ASIC2: variants seen among roughly 807,000 people sequenced by gnomAD.
ASIC2 encodes acid-sensing ion channel 2.
A neutral mutation model predicts 57.3 loss-of-function variants in ASIC2; 25 were observed. The observed-to-expected ratio is 0.44, with a 90% confidence interval of 0.32 to 0.61. The LOEUF (loss-of-function observed/expected upper bound fraction) is 0.61, where lower values mean the gene tolerates loss of function less well. ASIC2 is among the 20% of genes least tolerant of loss of function. ASIC2 has a pLI of 0.06. For synonymous variants in ASIC2, 319 were observed against 307.5 expected (o/e 1.04, Z -0.39); for missense variants, 641 against 738.1 (o/e 0.87, Z 1.52).
intron 1 of ASIC2, among the ~76,000 whole-genome samples, chr17:33,570,494 T>C (rs893153908): frequency 1.3e-5 from 2 of 152,256 alleles, no homozygotes; most frequent in African/African-American, 4.8e-5. Context: ...GTCATTCTCC[T>C]GAGCCCCAGC....
chr17:33,232,462 A>AT (rs1336511543), intron 1 of ASIC2, among the ~76,000 whole-genome samples: 1 of 147,016 alleles, frequency 6.8e-6, no homozygotes, highest in Admixed American at 6.8e-5. Flanking sequence ...ATGGTATGGT[A>AT]TGGTATGGTA....
chr17:33,750,398 A>G (rs890727688), intron 1 of ASIC2, among the ~76,000 whole-genome samples: 5 of 152,206 alleles, frequency 3.3e-5, no homozygotes, highest in African/African-American at 1.2e-4. Flanking sequence ...AGATGAGCTC[A>G]TGTGCACGAT....
At chr17:33,709,182 C>T (rs573113944) in intron 1 of ASIC2, among the ~76,000 whole-genome samples, 1 of 152,204 alleles carries the variant, frequency 6.6e-6, no homozygotes, top group South Asian at 2.1e-4. Flanking sequence ...GCATCTATTT[C>T]AACTGCCTGT....
intron 1 of ASIC2, among the ~76,000 whole-genome samples, chr17:33,776,199 C>T (rs1200916197): frequency 6.6e-6 from 1 of 151,266 alleles, no homozygotes; most frequent in Non-Finnish European, 1.5e-5. Context: ...TGTTGAAATC[C>T]TAACCCTCAA....
chr17:33,061,885 C>T (rs1426559690), intron 3 of ASIC2, among the ~76,000 whole-genome samples: 4 of 152,152 alleles, frequency 2.6e-5, no homozygotes, highest in African/African-American at 9.7e-5. Flanking sequence ...CTGGTTTAGT[C>T]TCAGAAGGGT....
chr17:33,092,550 G>T (rs2092161615), intron 2 of ASIC2, among the ~76,000 whole-genome samples: 1 of 152,248 alleles, frequency 6.6e-6, no homozygotes, highest in Non-Finnish European at 1.5e-5. Context: ...GGAGTGGAGA[G>T]CAGGAATCTG....
intron 1 of ASIC2, among the ~76,000 whole-genome samples, chr17:33,694,283 G>A (rs934720887): frequency 5.3e-5 from 8 of 152,118 alleles, no homozygotes; most frequent in Admixed American, 2.0e-4. Context: ...ATGAAAATGC[G>A]TTCCATCCAA....
intron 6 of ASIC2, among the ~76,000 whole-genome samples, chr17:33,021,618 C>T (rs1015355984): frequency 1.3e-5 from 2 of 152,232 alleles, no homozygotes; most frequent in Admixed American, 6.5e-5. Context: ...AAAGGGCCTG[C>T]CTCGTCCTCA....
chr17:33,832,558 T>C lies in ASIC2; in HGVS notation c.555+323420A>G, dbSNP rs912411574. On this transcript the variant is annotated intron_variant, in intron 1 of 9. Coordinates refer to the ASIC2 transcript ENST00000359872. ...GGTTGAAGGCTATCAAGTTGCCCTT[T>C]ATTTACACCCAGCCCTGGAATCTGA... Among the ~76,000 whole-genome samples, 3 of 152,202 alleles carry C rather than the reference T, an allele frequency of 2.0e-5. 1 individual carries two copies. Among genetic ancestry groups the C allele is most frequent in the African/African-American group, 7.2e-5 (3 of 41,446 alleles).
intron 1 of ASIC2, among the ~76,000 whole-genome samples, chr17:33,937,827 T>C (rs1053099413): frequency 6.6e-6 from 1 of 152,132 alleles, no homozygotes; most frequent in Non-Finnish European, 1.5e-5. Context: ...TTTAGAAAAT[T>C]TTTTTTTCTC....
In ASIC2 at chr17:34,085,045, A is replaced by C. The variant is rs145777405; in HGVS notation, c.555+70933T>G. On this transcript the variant is annotated intron_variant, in intron 1 of 9. Coordinates refer to the ASIC2 transcript ENST00000359872. Reference sequence around the variant, plus strand: ...TACCCTTTATTTCCTTCTCCTGCCTAATTGCCGTGGCCAGAACTTCCAACA... The same window carrying C: ...TACCCTTTATTTCCTTCTCCTGCCTCATTGCCGTGGCCAGAACTTCCAACA... 1.7e-3 allele frequency among the ~76,000 whole-genome samples: 262 copies of C among 152,264 alleles called. 1 individual carries two copies. The highest frequency in any genetic ancestry group is 6.2e-3 in the African/African-American group (257 of 41,568).
At chr17:33,782,005 C>A (rs1454578850) in intron 1 of ASIC2, among the ~76,000 whole-genome samples, 1 of 152,132 alleles carries the variant, frequency 6.6e-6, no homozygotes, top group African/African-American at 2.4e-5. Context: ...TCCAATCTGG[C>A]CTCTTGCAAT....
intron 1 of ASIC2, among the ~76,000 whole-genome samples, chr17:33,849,346 T>C (rs1017845000): frequency 5.3e-5 from 8 of 152,186 alleles, no homozygotes; most frequent in African/African-American, 1.9e-4. Flanking sequence ...CAGTCTTAAC[T>C]GAGCCTCACC....
intron 1 of ASIC2, among the ~76,000 whole-genome samples, chr17:33,461,683 G>A (rs1597736148): frequency 6.6e-6 from 1 of 152,242 alleles, no homozygotes; most frequent in Non-Finnish European, 1.5e-5. Context: ...CTCTTGTTAA[G>A]TACATGAGAA....
chr17:34,154,694 C>T (rs970125064), intron 1 of ASIC2, among the ~76,000 whole-genome samples: 1 of 152,188 alleles, frequency 6.6e-6, no homozygotes, highest in Admixed American at 6.5e-5. Context: ...CTTCATTAGG[C>T]AGAGGACCCT....
intron 1 of ASIC2, among the ~76,000 whole-genome samples, chr17:33,972,060 C>A (rs1374687356): frequency 6.6e-6 from 1 of 152,194 alleles, no homozygotes; most frequent in Admixed American, 6.5e-5. Context: ...ACCACCTCCT[C>A]CTTACAGATA....
intron 1 of ASIC2, among the ~76,000 whole-genome samples, chr17:33,481,859 C>A (rs1567626370): frequency 6.6e-6 from 1 of 152,210 alleles, no homozygotes; most frequent in African/African-American, 2.4e-5. Flanking sequence ...TGCCTCCATC[C>A]CCTGCCACTT....
At chr17:33,623,838 G>C (rs1905891197) in intron 1 of ASIC2, among the ~76,000 whole-genome samples, 1 of 152,028 alleles carries the variant, frequency 6.6e-6, no homozygotes, top group Non-Finnish European at 1.5e-5. Context: ...GATAGTCCAA[G>C]CTGTATGTAG....
chr17:34,116,100 TCA>T (rs1267421529), intron 1 of ASIC2, among the ~76,000 whole-genome samples: 1 of 152,170 alleles, frequency 6.6e-6, no homozygotes, highest in African/African-American at 2.4e-5. Context: ...CTTGACAAAG[TCA>T]CAGAGAAAAC....
Sources: gnomAD v4.1 joint callset for allele counts (sites outside exome capture counted in the v4.1 genomes callset) on GRCh38, gnomAD v4.1.1 for gene constraint, MANE v1.5 for transcripts, NCBI Gene and HGNC (gene_info 2026-07-23, HGNC 2026-07-21) for gene names.